The following ATP9B variants were observed in gnomAD, a reference collection of about 807,000 sequenced individuals.
The protein encoded by ATP9B is ATPase phospholipid transporting 9B, also known as probable phospholipid-transporting ATPase IIB.
Under a neutral mutation model 146.1 loss-of-function variants are expected in ATP9B, and 110 were observed. The ratio of observed to expected loss-of-function variants is 0.75; its 90% CI spans 0.65 to 0.88. The LOEUF is 0.88. Among genes scored for constraint, ATP9B ranks in the 40% least tolerant of loss-of-function variants. The pLI is 0.00. For missense variants in ATP9B, 1,499 were observed against 1,496.4 expected, an observed-to-expected ratio of 1.00 and a Z score of -0.03; for synonymous variants, 604 against 569.7, an observed-to-expected ratio of 1.06 and a Z score of -0.86.
intron 13 of ATP9B, among the ~76,000 whole-genome samples, chr18:79,294,690 A>G (rs2096535080): frequency 6.6e-6 from 1 of 152,218 alleles, no homozygotes; most frequent in Admixed American, 6.5e-5. Context: ...TCTGTTTAAC[A>G]TGGAGGAGTT....
intron 11 of ATP9B, among the ~76,000 whole-genome samples, chr18:79,240,111 G>A (rs1022643520): frequency 7.9e-5 from 12 of 152,224 alleles, no homozygotes; most frequent in African/African-American, 1.4e-4. Context: ...AGAAGCTGGC[G>A]AAGTGAGGTG....
Position 79,206,963 on chromosome 18 carries a change from A to G in ATP9B, c.981A>G (p.Glu327=). Residue 327 remains glutamate, a synonymous_variant, in exon 10 of 30, where the codon GAA becomes GAG. Transcript: ENST00000426216. ...AAGACAGTGACCCGCCCATTCATGA[A>G]AGTCTCAGCATAGAAAATACATTGT... ...TREDSDPPIH[E]SLSIENTLWA... 6.2e-7 allele frequency: 1 copy of G among 1,614,106 alleles called. No individual in the cohort carries two copies. The highest frequency in any genetic ancestry group is 8.5e-7 in the Non-Finnish European group (1 of 1,179,966).
At chr18:79,093,427 C>G (rs914645553) in intron 1 of ATP9B, among the ~76,000 whole-genome samples, 3 of 152,140 alleles carry the variant, frequency 2.0e-5, no homozygotes, top group African/African-American at 7.2e-5. Context: ...AATCGATGTT[C>G]CTCTATATGT....
At chr18:79,257,662 C>T (rs9955862) in intron 12 of ATP9B, among the ~76,000 whole-genome samples, 51,742 of 152,114 alleles carry the variant, frequency 0.34, 9,376 homozygotes, top group African/African-American at 0.47. Context: ...ACAGCAGAGA[C>T]GGCCTGTGGC....
intron 11 of ATP9B, among the ~76,000 whole-genome samples, chr18:79,240,520 C>T (rs1425155132): frequency 3.3e-5 from 5 of 152,248 alleles, no homozygotes; most frequent in African/African-American, 1.2e-4. Context: ...CTGAGGCAGG[C>T]GGATCACCTG....
intron 29 of ATP9B, chr18:79,376,007 G>A: frequency 1.0e-6 from 1 of 985,278 alleles, no homozygotes; most frequent in South Asian, 4.7e-5. Flanking sequence ...TGAGTAGATG[G>A]TTCTTCTGTG....
At chr18:79,112,221 T>C (rs61001010) in intron 3 of ATP9B, among the ~76,000 whole-genome samples, 10 of 152,326 alleles carry the variant, frequency 6.6e-5, no homozygotes, top group African/African-American at 2.2e-4. Flanking sequence ...TCATACCTTC[T>C]AAGTGGCATG....
At chr18:79,186,626 A>G (rs1356894280) in intron 8 of ATP9B, among the ~76,000 whole-genome samples, 2 of 152,252 alleles carry the variant, frequency 1.3e-5, no homozygotes, top group African/African-American at 2.4e-5. Context: ...TTGACTGCTT[A>G]TTAAACATTC....
chr18:79,089,125 A>G (rs616002), intron 1 of ATP9B, among the ~76,000 whole-genome samples: 58,722 of 151,866 alleles, frequency 0.39, 11,787 homozygotes, highest in East Asian at 0.52. Flanking sequence ...TTGGGAAGGG[A>G]GTGAGGGATA....
chr18:79,108,042 C>G (rs1057336903), intron 2 of ATP9B, among the ~76,000 whole-genome samples: 1 of 152,134 alleles, frequency 6.6e-6, no homozygotes, highest in African/African-American at 2.4e-5. Context: ...GGAGTGTGTG[C>G]TGTCACCAGA....
chr18:79,082,544 A>G (rs1048995163), intron 1 of ATP9B, among the ~76,000 whole-genome samples: 1 of 152,190 alleles, frequency 6.6e-6, no homozygotes, highest in Non-Finnish European at 1.5e-5. Context: ...TCGTGGATTT[A>G]TCTGCCTTTG....
chr18:79,090,519 G>A (rs1480402083), intron 1 of ATP9B, among the ~76,000 whole-genome samples: 1 of 152,174 alleles, frequency 6.6e-6, no homozygotes, highest in African/African-American at 2.4e-5. Flanking sequence ...TTTCTCTGAT[G>A]ATCAGCGATG....
At chr18:79,085,840 G>A (rs1176119589) in intron 1 of ATP9B, 1 of 152,154 alleles carries the variant, frequency 6.6e-6, no homozygotes, top group Non-Finnish European at 1.5e-5. Flanking sequence ...TCTACTGTCT[G>A]ATTATTGGGA....
rs2095871761 is a variant in ATP9B, at chr18:79,239,718, C to G, written c.1108-13663C>G. Among the ~76,000 whole-genome samples, 1 of 152,232 alleles carries G rather than the reference C, an allele frequency of 6.6e-6. No homozygotes were observed. Among genetic ancestry groups the G allele is most frequent in the Non-Finnish European group, 1.5e-5 (1 of 68,048 alleles). On this transcript the variant is annotated intron_variant, in intron 11 of 29. Coordinates refer to ENST00000426216, the MANE Select transcript of ATP9B (RefSeq NM_198531.5). This position sits in a 1 kb window ranked among gnomAD's most constrained non-coding sequence, Gnocchi z 5.1. Reference sequence around the variant, plus strand: ...TTTCTTTTATCATGTAAATTTCTTTCATGTAAGTTACATGATAGTCCTTTA... The same window carrying G: ...TTTCTTTTATCATGTAAATTTCTTTGATGTAAGTTACATGATAGTCCTTTA...
At chr18:79,185,975 T>G (rs1025400089) in intron 8 of ATP9B, among the ~76,000 whole-genome samples, 4 of 152,228 alleles carry the variant, frequency 2.6e-5, no homozygotes, top group African/African-American at 9.6e-5. Flanking sequence ...CATGTAATAA[T>G]AACTGTGCTG....
At chr18:79,149,321 G>A (rs2094644779) in intron 6 of ATP9B, among the ~76,000 whole-genome samples, 1 of 151,960 alleles carries the variant, frequency 6.6e-6, no homozygotes, top group Non-Finnish European at 1.5e-5. Flanking sequence ...TAGAAACAAA[G>A]GTTAACAAAA....
rs1248517020 is a variant in ATP9B, at chr18:79,158,191, A to G, written c.778+3636A>G. Reference sequence around the variant, plus strand: ...TTGCTGTATTTCATGAGGTTTGGCCATACATCTCAAAATTATTTTCTAATT... The same window carrying G: ...TTGCTGTATTTCATGAGGTTTGGCCGTACATCTCAAAATTATTTTCTAATT... On this transcript the variant is annotated intron_variant, in intron 7 of 29. Coordinates refer to ENST00000426216, the MANE Select transcript of ATP9B (RefSeq NM_198531.5). Among the ~76,000 whole-genome samples, 9 of 152,176 alleles carry G rather than the reference A, an allele frequency of 5.9e-5. 1 individual carries two copies. In the South Asian group the frequency reaches 1.7e-3, roughly 28 times the overall value.
intron 14 of ATP9B, among the ~76,000 whole-genome samples, chr18:79,305,197 A>G (rs748844346): frequency 2.6e-5 from 4 of 152,236 alleles, no homozygotes; most frequent in Non-Finnish European, 4.4e-5. Flanking sequence ...ATTTTCGCAG[A>G]GACTAGACTA....
At chr18:79,218,478 T>C (rs1348970710) in intron 11 of ATP9B, among the ~76,000 whole-genome samples, 1 of 151,900 alleles carries the variant, frequency 6.6e-6, no homozygotes, top group Non-Finnish European at 1.5e-5. Flanking sequence ...GGTCATATTT[T>C]CCTCGTGTTC....
Sources: allele counts gnomAD v4.1 joint callset (sites outside exome capture counted in the v4.1 genomes callset), GRCh38; gene constraint gnomAD v4.1.1; non-coding constraint Gnocchi (gnomAD v3.1); transcripts MANE v1.5; gene names NCBI Gene and HGNC (gene_info 2026-07-23, HGNC 2026-07-21).